ROBO1: variants seen among roughly 807,000 people sequenced by gnomAD.
ROBO1 encodes the protein roundabout guidance receptor 1.
In ROBO1, 149 loss-of-function variants were observed where a neutral mutation model predicts 195.9. The observed-to-expected ratio is 0.76, with a 90% confidence interval of 0.67 to 0.87. The LOEUF is 0.87. Ranked by LOEUF, ROBO1 falls within the 40% of genes least tolerant of loss-of-function variation. ROBO1 has a pLI of 0.00. For missense variants in ROBO1, 1,933 were observed against 2,068.3 expected, an observed-to-expected ratio of 0.93 and a Z score of 1.27; for synonymous variants, 816 against 733.2, an observed-to-expected ratio of 1.11 and a Z score of -1.82.
At chr3:79,230,706 T>C (rs145481949) in intron 2 of ROBO1, among the ~76,000 whole-genome samples, 34 of 152,180 alleles carry the variant, frequency 2.2e-4, no homozygotes, top group Non-Finnish European at 4.1e-4. Context: ...GATTCAATGA[T>C]ATTCCCATTA....
intron 28 of ROBO1, among the ~76,000 whole-genome samples, chr3:78,612,703 G>A (rs1356142738): frequency 1.3e-5 from 2 of 152,274 alleles, no homozygotes; most frequent in Non-Finnish European, 2.9e-5. Flanking sequence ...TAACTTGAAG[G>A]ATAGTTACCA....
intron 2 of ROBO1, among the ~76,000 whole-genome samples, chr3:79,555,287 A>G (rs1942658575): frequency 6.6e-6 from 1 of 152,116 alleles, no homozygotes; most frequent in African/African-American, 2.4e-5. Flanking sequence ...GTGAAATGCT[A>G]AGGTTGGCCA....
chr3:79,648,648 G>A (rs566745695), intron 1 of ROBO1, among the ~76,000 whole-genome samples: 2 of 151,740 alleles, frequency 1.3e-5, no homozygotes, highest in African/African-American at 4.8e-5. Context: ...AAATGGATGG[G>A]GTAATATTCA....
intron 2 of ROBO1, among the ~76,000 whole-genome samples, chr3:79,253,158 CAAAA>C (rs2082764477): frequency 6.6e-6 from 1 of 151,788 alleles, no homozygotes; most frequent in Non-Finnish European, 1.5e-5. Flanking sequence ...AGTGTGTAGA[CAAAA>C]AAGAAATTGC....
intron 5 of ROBO1, among the ~76,000 whole-genome samples, chr3:78,736,824 A>T (rs2082403267): frequency 6.6e-6 from 1 of 152,188 alleles, no homozygotes; most frequent in Admixed American, 6.5e-5. Flanking sequence ...CAGGGTCCAA[A>T]CATGATAAGT....
At chr3:79,234,551 G>T (rs994603235) in intron 2 of ROBO1, among the ~76,000 whole-genome samples, 9 of 152,072 alleles carry the variant, frequency 5.9e-5, no homozygotes, top group African/African-American at 2.2e-4. Context: ...ATTCACAATA[G>T]CAAAGACATG....
intron 2 of ROBO1, among the ~76,000 whole-genome samples, chr3:79,322,620 CA>C (rs1421705165): frequency 1.3e-5 from 2 of 152,140 alleles, no homozygotes; most frequent in African/African-American, 4.8e-5. Context: ...AAATATAACT[CA>C]AAATTTATTT....
At chr3:79,759,519 T>A (rs566489544) in intron 1 of ROBO1, among the ~76,000 whole-genome samples, 133 of 152,282 alleles carry the variant, frequency 8.7e-4, no homozygotes, top group African/African-American at 3.1e-3. Context: ...TCATCCTTAG[T>A]AAACAGGATT....
chr3:79,301,330 C>T (rs575898626), intron 2 of ROBO1, among the ~76,000 whole-genome samples: 18 of 152,288 alleles, frequency 1.2e-4, no homozygotes, highest in Non-Finnish European at 2.4e-4. Flanking sequence ...GACCAAGAAC[C>T]CACCAATTCC....
intron 1 of ROBO1, among the ~76,000 whole-genome samples, chr3:79,687,929 C>A (rs1166653580): frequency 6.6e-6 from 1 of 151,876 alleles, no homozygotes; most frequent in Admixed American, 6.6e-5. Flanking sequence ...ATGTATGTTT[C>A]TTGTGGCACT....
intron 2 of ROBO1, among the ~76,000 whole-genome samples, chr3:79,177,452 G>A (rs1273486226): frequency 2.0e-5 from 3 of 152,118 alleles, no homozygotes; most frequent in African/African-American, 4.8e-5. Flanking sequence ...TATATAGGAT[G>A]GGCGGACCCT....
chr3:79,655,785 T>C (rs1231776504), intron 1 of ROBO1, among the ~76,000 whole-genome samples: 1 of 152,084 alleles, frequency 6.6e-6, no homozygotes, highest in East Asian at 1.9e-4. Flanking sequence ...CGTGGCACTA[T>C]GTTTGACCGA....
intron 2 of ROBO1, among the ~76,000 whole-genome samples, chr3:79,365,148 C>A (rs998027138): frequency 6.6e-6 from 1 of 152,082 alleles, no homozygotes; most frequent in Non-Finnish European, 1.5e-5. Flanking sequence ...CTTATTGGTT[C>A]CCTCTATGCT....
At chr3:79,525,550 ATATATAAATATATATATATT>A (rs907584910) in intron 2 of ROBO1, among the ~76,000 whole-genome samples, 15 of 146,994 alleles carry the variant, frequency 1.0e-4, no homozygotes, top group African/African-American at 3.7e-4. Context: ...ATATATATAT[ATATATAAATATATATATATT>A]TTTTTTGGTA....
chr3:79,098,184 T>C (rs1018933431), intron 3 of ROBO1, among the ~76,000 whole-genome samples: 1 of 151,876 alleles, frequency 6.6e-6, no homozygotes, highest in Non-Finnish European at 1.5e-5. Context: ...CTGCTCACTT[T>C]CCAATTGTAC....
At position 79,371,451 on chromosome 3, in the gene ROBO1, C is replaced by T. The variant is rs147381946; in HGVS notation, c.88+218373G>A. The stretch of plus-strand genomic sequence containing the variant: ...ATGAAGGTAATGTGTAGTTATATTC[C>T]ATTTACGTAGTAGATGGAAAGTGAT... On this transcript the variant is annotated intron_variant, in intron 2 of 30. Transcript: ENST00000464233. 1.1e-3 allele frequency among the ~76,000 whole-genome samples: 169 copies of T among 152,092 alleles called. 1 individual carries two copies. Among genetic ancestry groups the T allele is most frequent in the African/African-American group, 3.9e-3 (162 of 41,488 alleles).
At chr3:78,681,747 C>G (rs940189993) in intron 10 of ROBO1, among the ~76,000 whole-genome samples, 1 of 152,066 alleles carries the variant, frequency 6.6e-6, no homozygotes, top group African/African-American at 2.4e-5. Context: ...ACTAAAAATA[C>G]AAAAATTAGT....
intron 4 of ROBO1, among the ~76,000 whole-genome samples, chr3:78,847,380 T>C (rs2033739257): frequency 6.6e-6 from 1 of 152,136 alleles, no homozygotes; most frequent in African/African-American, 2.4e-5. Flanking sequence ...ACAGCTATAC[T>C]GCAGAACGCA....
rs550645549 is a variant in ROBO1 at position 79,396,490 on chromosome 3, G to A, written c.88+193334C>T. Among the ~76,000 whole-genome samples, 4 of 151,882 alleles carry A rather than the reference G, an allele frequency of 2.6e-5. No homozygotes were observed. The South Asian group carries it at 6.2e-4, about 24-fold the overall frequency. ...AAAAACATTAAAAAAAAGTACCTTC[G>A]TCTCCATTTGTAAAATAAAGGTATT... On this transcript the variant is annotated intron_variant, in intron 2 of 30. Coordinates refer to ENST00000464233, the MANE Select transcript of ROBO1 (RefSeq NM_002941.4).
Sources: gnomAD v4.1 joint callset for allele counts (sites outside exome capture counted in the v4.1 genomes callset) on GRCh38, gnomAD v4.1.1 for gene constraint, MANE v1.5 for transcripts, NCBI Gene and HGNC (gene_info 2026-07-23, HGNC 2026-07-21) for gene names.